SEC63: variants seen among roughly 807,000 people sequenced by gnomAD.
The protein encoded by SEC63 is SEC63 protein translocation regulator.
SEC63 carries 56 observed loss-of-function variants against 116.2 expected under a neutral mutation model. The observed-to-expected ratio is 0.48, with a 90% CI of 0.39 to 0.60. SEC63 has a LOEUF of 0.60. SEC63 is among the 20% of genes least tolerant of loss of function. The pLI is 0.00. For synonymous variants in SEC63, 273 were observed against 294.6 expected (o/e 0.93, Z 0.75); for missense variants, 668 against 900.0 (o/e 0.74, Z 3.30).
intron 4 of SEC63, among the ~76,000 whole-genome samples, chr6:107,915,510 C>T (rs1244989126): frequency 1.3e-5 from 2 of 152,152 alleles, no homozygotes; most frequent in South Asian, 2.1e-4. Flanking sequence ...AACAACGCTG[C>T]CCACTTGCTA....
chr6:107,886,862 T>G (rs900972192), intron 16 of SEC63, among the ~76,000 whole-genome samples: 51 of 147,254 alleles, frequency 3.5e-4, no homozygotes, highest in African/African-American at 1.2e-3. Context: ...TTTTTTTTTT[T>G]GCTGTGCAGA....
At chr6:107,910,820 GT>G (rs1404152844) in intron 7 of SEC63, among the ~76,000 whole-genome samples, 2 of 152,090 alleles carry the variant, frequency 1.3e-5, no homozygotes, top group African/African-American at 4.8e-5. Flanking sequence ...CCAGGCTGGA[GT>G]GTAGTGGCAC....
intron 4 of SEC63, among the ~76,000 whole-genome samples, chr6:107,916,138 C>A (rs1426410427): frequency 1.3e-5 from 2 of 151,980 alleles, no homozygotes; most frequent in Non-Finnish European, 2.9e-5. Flanking sequence ...GGGATTTCAC[C>A]AAAGCACTAA....
intron 1 of SEC63, among the ~76,000 whole-genome samples, chr6:107,944,246 T>C (rs985047457): frequency 6.6e-6 from 1 of 152,172 alleles, no homozygotes; most frequent in Non-Finnish European, 1.5e-5. Flanking sequence ...ACAGTTGTGA[T>C]TAATTGAGAT....
At chr6:107,887,864 G>T (rs1334354639) in intron 16 of SEC63, among the ~76,000 whole-genome samples, 1 of 152,128 alleles carries the variant, frequency 6.6e-6, no homozygotes, top group Non-Finnish European at 1.5e-5. Context: ...TTTCCCCATT[G>T]CTTGTTTTTA....
intron 1 of SEC63, among the ~76,000 whole-genome samples, chr6:107,934,140 C>A (rs1445993257): frequency 1.4e-4 from 21 of 151,700 alleles, no homozygotes; most frequent in African/African-American, 5.1e-4. Context: ...GCCCCGCCGC[C>A]ACCCCGTCTG....
intron 10 of SEC63, among the ~76,000 whole-genome samples, chr6:107,905,755 A>G (rs912526986): frequency 6.6e-6 from 1 of 152,204 alleles, no homozygotes; most frequent in Non-Finnish European, 1.5e-5. Context: ...CCTTTAAAAA[A>G]ATTATTAGGA....
chr6:107,930,861 G>A (rs1444292522), intron 1 of SEC63, among the ~76,000 whole-genome samples: 1 of 151,872 alleles, frequency 6.6e-6, no homozygotes, highest in Non-Finnish European at 1.5e-5. Context: ...CAGGCATGGT[G>A]GTGCACACCT....
At chr6:107,892,982 A>G (rs1401256805) in intron 16 of SEC63, among the ~76,000 whole-genome samples, 1 of 152,158 alleles carries the variant, frequency 6.6e-6, no homozygotes. Context: ...GACTGCCCAC[A>G]AAATGCCATG....
At chr6:107,905,403 G>A (rs944262963) in intron 10 of SEC63, among the ~76,000 whole-genome samples, 27 of 152,036 alleles carry the variant, frequency 1.8e-4, no homozygotes, top group Non-Finnish European at 5.9e-5. Context: ...CCTTGTTTTC[G>A]GAAGCATTTA....
At chr6:107,952,428 T>C (rs2114521237) in intron 1 of SEC63, among the ~76,000 whole-genome samples, 1 of 152,230 alleles carries the variant, frequency 6.6e-6, no homozygotes, top group East Asian at 1.9e-4. Flanking sequence ...CCCAAATGTG[T>C]TGCAGAAAAC....
At chr6:107,928,102 C>T (rs1451825878) in intron 2 of SEC63, among the ~76,000 whole-genome samples, 1 of 152,054 alleles carries the variant, frequency 6.6e-6, no homozygotes, top group African/African-American at 2.4e-5. Context: ...GAAAATTACT[C>T]TTTTCAAGAC....
chr6:107,914,704 G>C (rs1391578637), intron 4 of SEC63, among the ~76,000 whole-genome samples: 1 of 152,094 alleles, frequency 6.6e-6, no homozygotes, highest in Non-Finnish European at 1.5e-5. Flanking sequence ...TTTTGTCCTA[G>C]ATCCCCTGTA....
At chr6:107,918,861 C>T (rs552718964) in intron 4 of SEC63, among the ~76,000 whole-genome samples, 1 of 150,280 alleles carries the variant, frequency 6.7e-6, no homozygotes, top group African/African-American at 2.4e-5. Context: ...CAGGAAGAGG[C>T]CAAAATGTCA....
chr6:107,901,605 A>G (rs1787006324), intron 12 of SEC63, 88 bp from the exon 13 acceptor site: 1 of 926,514 alleles, frequency 1.1e-6, no homozygotes, highest in Admixed American at 2.7e-5. Context: ...TAACCACAAC[A>G]AAATCCAGCA....
rs1467130770 is a variant in SEC63, at chr6:107,882,414, T to C, written c.1833+574A>G. ...ATAAATTATGTGCAACTTAATGCCA[T>C]GAGATTTTTCTCCTATACGCTATAC... is the stretch of plus-strand genomic sequence containing the variant. On this transcript the variant is annotated intron_variant, in intron 17 of 20. Coordinates refer to ENST00000369002, the MANE Select transcript of SEC63 (RefSeq NM_007214.5). Among the ~76,000 whole-genome samples, 4 of 152,346 alleles carry C rather than the reference T, an allele frequency of 2.6e-5. No homozygotes were observed. In the East Asian group the frequency reaches 5.8e-4, roughly 22 times the overall value.
intron 3 of SEC63, among the ~76,000 whole-genome samples, chr6:107,923,979 T>A (rs536621920): frequency 5.3e-5 from 8 of 152,324 alleles, no homozygotes; most frequent in African/African-American, 1.9e-4. Flanking sequence ...AAAATATGCC[T>A]TTAGGCTGGG....
chr6:107,917,821 G>GA (rs753746639), intron 4 of SEC63, among the ~76,000 whole-genome samples: 46 of 152,200 alleles, frequency 3.0e-4, no homozygotes, highest in Non-Finnish European at 5.4e-4. Flanking sequence ...TTTTCCAAAA[G>GA]AAACCATCTC....
chr6:107,922,633 T>G (rs1259187082), intron 3 of SEC63, among the ~76,000 whole-genome samples: 1 of 152,250 alleles, frequency 6.6e-6, no homozygotes, highest in Non-Finnish European at 1.5e-5. Context: ...TGGTTTCAGC[T>G]GCTTGTCTAT....
Sources: gnomAD v4.1 joint callset for allele counts (sites outside exome capture counted in the v4.1 genomes callset) on GRCh38, gnomAD v4.1.1 for gene constraint, MANE v1.5 for transcripts, NCBI Gene and HGNC (gene_info 2026-07-23, HGNC 2026-07-21) for gene names.